GRAMD2B: variants seen among roughly 807,000 people sequenced by gnomAD.
GRAMD2B encodes the protein GRAM domain-containing protein 2B.
A neutral mutation model predicts 59.2 loss-of-function variants in GRAMD2B; 41 were observed. The observed-to-expected ratio is 0.69, with a 90% CI of 0.54 to 0.90. GRAMD2B has a LOEUF of 0.90. Among genes scored for constraint, GRAMD2B ranks in the 40% least tolerant of loss-of-function variants. The pLI, the probability that GRAMD2B is intolerant of heterozygous loss-of-function variation, is 0.00. For synonymous variants in GRAMD2B, 161 were observed against 182.7 expected (o/e 0.88, Z 0.96); for missense variants, 424 against 500.5 (o/e 0.85, Z 1.46).
intron 13 of GRAMD2B, among the ~76,000 whole-genome samples, chr5:126,491,751 C>T (rs918824747): frequency 1.2e-4 from 18 of 151,478 alleles, no homozygotes; most frequent in Admixed American, 9.2e-4. Context: ...TTTTTTTTCC[C>T]AAGACAGAGT....
In GRAMD2B at chr5:126,486,966, C is replaced by G; in HGVS notation, c.1152C>G (p.Thr384=). ...GGTTACTAACCTCCATTGTGGACAC[C>G]CATAATACTGAGTAAGACGATTGCC... ...QLGLLTSIVD[T]HNTEQAAPSG... is the part of the protein sequence containing the mutation. The change falls in exon 12 of 14, where the codon ACC becomes ACG. Residue 384 remains threonine, a synonymous_variant. Transcript: ENST00000285689. 6.3e-7 allele frequency: 1 copy of G among 1,577,916 alleles called. No individual in the cohort carries two copies.
intron 3 of GRAMD2B, 44 bp downstream of exon 3, chr5:126,469,832 G>T (rs200304973): frequency 9.2e-6 from 13 of 1,407,732 alleles, no homozygotes; most frequent in Admixed American, 7.2e-5. Flanking sequence ...GGGTGACAGG[G>T]CTACTGAAGC....
chr5:126,454,108 T>C (rs1765847839), intron 1 of GRAMD2B, among the ~76,000 whole-genome samples: 1 of 152,122 alleles, frequency 6.6e-6, no homozygotes, highest in Admixed American at 6.5e-5. Context: ...GGACAGAACA[T>C]GATATAAGTG....
intron 1 of GRAMD2B, among the ~76,000 whole-genome samples, chr5:126,456,640 A>G (rs1766329915): frequency 6.6e-6 from 1 of 152,202 alleles, no homozygotes; most frequent in Non-Finnish European, 1.5e-5. Flanking sequence ...ATGGAAAAGA[A>G]TCAACTCCCT....
At chr5:126,360,203 A>T in exon 1 of GRAMD2B, 1 of 1,078,066 alleles carries the variant, frequency 9.3e-7, no homozygotes, top group Non-Finnish European at 1.3e-6. Context: ...AAAACTTCTG[A>T]GATAGCACTT....
intron 2 of GRAMD2B, chr5:126,466,329 GACC>G (rs1768387873): frequency 7.2e-7 from 1 of 1,388,184 alleles, no homozygotes; most frequent in African/African-American, 1.4e-5. Flanking sequence ...CTTCATTCAG[GACC>G]AAGAGTAAGT....
At chr5:126,460,942 T>A (rs1285238334) in intron 1 of GRAMD2B, among the ~76,000 whole-genome samples, 2 of 152,228 alleles carry the variant, frequency 1.3e-5, no homozygotes, top group African/African-American at 2.4e-5. Flanking sequence ...AGAGACTTTT[T>A]AAAAAATAAT....
chr5:126,463,323 C>A (rs1347640623), intron 1 of GRAMD2B, among the ~76,000 whole-genome samples: 3 of 152,138 alleles, frequency 2.0e-5, no homozygotes, highest in Non-Finnish European at 4.4e-5. Context: ...TATACCCAGT[C>A]TCTACTTAAA....
chr5:126,386,269 A>G (rs1580730945), intron 1 of GRAMD2B, among the ~76,000 whole-genome samples: 1 of 152,342 alleles, frequency 6.6e-6, no homozygotes, highest in Admixed American at 6.5e-5. Context: ...TGATCCTTGC[A>G]TGATTCCATG....
intron 1 of GRAMD2B, among the ~76,000 whole-genome samples, chr5:126,437,312 A>G (rs542138766): frequency 4.6e-5 from 7 of 152,328 alleles, no homozygotes; most frequent in African/African-American, 1.7e-4. Context: ...AGGTGACGGA[A>G]TGGATTGACA....
At chr5:126,461,492 G>A (rs547060882) in intron 1 of GRAMD2B, among the ~76,000 whole-genome samples, 44 of 152,234 alleles carry the variant, frequency 2.9e-4, no homozygotes, top group Admixed American at 7.8e-4. Context: ...GATTGTCCTA[G>A]CCAGTAATAA....
At chr5:126,397,838 A>G (rs1757493239) in intron 1 of GRAMD2B, among the ~76,000 whole-genome samples, 1 of 152,066 alleles carries the variant, frequency 6.6e-6, no homozygotes, top group Admixed American at 6.6e-5. Context: ...ATTTTCATAC[A>G]GTGTCATTGT....
At chr5:126,492,618 G>A (rs1020062005) in intron 13 of GRAMD2B, among the ~76,000 whole-genome samples, 1 of 152,120 alleles carries the variant, frequency 6.6e-6, no homozygotes, top group African/African-American at 2.4e-5. Context: ...CTACTTGGGA[G>A]GCTGAGGTGG....
chr5:126,423,457 C>T lies in GRAMD2B; in HGVS notation c.-150C>T. The T allele has an allele frequency of 7.0e-7, 1 of 1,422,492 alleles. No individual in the cohort carries two copies. Among genetic ancestry groups the T allele is most frequent in the Non-Finnish European group, 9.1e-7 (1 of 1,094,062 alleles). 88.1% of individuals were successfully genotyped at this position (1,422,492 alleles called of 1,614,324 possible). ...CAGGTCCGCGGCCCCGGGAGCTTGG[C>T]GCGGCCCGGCCTGGATGCGCTGGGC... On this transcript the variant is annotated 5_prime_UTR_variant, in exon 1 of 14. Coordinates refer to ENST00000285689, the MANE Select transcript of GRAMD2B (RefSeq NM_023927.4).
At chr5:126,468,999 T>C (rs1769025386) in intron 2 of GRAMD2B, among the ~76,000 whole-genome samples, 1 of 152,220 alleles carries the variant, frequency 6.6e-6, no homozygotes, top group African/African-American at 2.4e-5. Context: ...ACTTGTTATA[T>C]ATTAGTGGAA....
At position 126,394,270 on chromosome 5, in the gene GRAMD2B, G is replaced by A. The variant is rs1325209482; in HGVS notation, c.125+22703G>A. 2.0e-5 allele frequency among the ~76,000 whole-genome samples: 3 copies of A among 147,814 alleles called. 1 individual carries two copies. The highest frequency in any genetic ancestry group is 7.6e-5 in the African/African-American group (3 of 39,518). On this transcript the variant is annotated intron_variant, in intron 1 of 8. Coordinates refer to the GRAMD2B transcript ENST00000506445. ...AGCCCGGACGACACAGCAAGACTCT[G>A]TCTCAAAAAAAAAAAAAAGAAAAGA... is the stretch of plus-strand genomic sequence containing the variant.
intron 1 of GRAMD2B, among the ~76,000 whole-genome samples, chr5:126,410,540 G>T (rs953125785): frequency 6.6e-6 from 1 of 152,000 alleles, no homozygotes; most frequent in Admixed American, 6.6e-5. Flanking sequence ...CATTGATTTT[G>T]TATCCTGAGA....
chr5:126,365,295 G>T (rs1284788312), intron 1 of GRAMD2B, among the ~76,000 whole-genome samples: 1 of 151,822 alleles, frequency 6.6e-6, no homozygotes, highest in Non-Finnish European at 1.5e-5. Flanking sequence ...GTATCCCTTA[G>T]GCCAGTAAAA....
intron 1 of GRAMD2B, among the ~76,000 whole-genome samples, chr5:126,408,338 T>C (rs1758442187): frequency 6.6e-6 from 1 of 152,062 alleles, no homozygotes; most frequent in Admixed American, 6.6e-5. Flanking sequence ...ATTTTCTTTA[T>C]CCAGTCCACC....
Sources: allele counts gnomAD v4.1 joint callset (sites outside exome capture counted in the v4.1 genomes callset), GRCh38; gene constraint gnomAD v4.1.1; transcripts MANE v1.5; gene names NCBI Gene and HGNC (gene_info 2026-07-23, HGNC 2026-07-21).